The following TMEM132C variants were observed in gnomAD, a reference collection of about 807,000 sequenced individuals.
The protein encoded by TMEM132C is protein phosphatase 1, regulatory subunit 152.
In TMEM132C, 29 loss-of-function variants were observed where a neutral mutation model predicts 61.4. That is an observed-to-expected ratio of 0.47 (90% confidence interval 0.35 to 0.64). The LOEUF (loss-of-function observed/expected upper bound fraction) is 0.64. Among genes scored for constraint, TMEM132C ranks in the 30% least tolerant of loss-of-function variants. The probability of loss-of-function intolerance (pLI) is 0.00; values close to 1 mark genes in which losing one functional copy is unlikely to be tolerated. For synonymous variants in TMEM132C, 656 were observed against 633.1 expected (o/e 1.04, Z -0.54); for missense variants, 1,408 against 1,476.9 (o/e 0.95, Z 0.76).
At chr12:128,379,653 TC>T (rs1565918209) in intron 1 of TMEM132C, among the ~76,000 whole-genome samples, 1 of 152,178 alleles carries the variant, frequency 6.6e-6, no homozygotes, top group East Asian at 1.9e-4. Context: ...CTTTTCTTCC[TC>T]TGGAAAAGGA....
Position 128,707,807 on chromosome 12 carries a change from C to A in TMEM132C, c.*1512C>A, listed in dbSNP as rs1478446732. 1 of 152,034 alleles carries A rather than the reference C, an allele frequency of 6.6e-6. No homozygotes were observed. Among genetic ancestry groups the A allele is most frequent in the Non-Finnish European group, 1.5e-5 (1 of 68,004 alleles). 9.4% of individuals were successfully genotyped at this position (152,034 alleles called of 1,614,324 possible). A position where few individuals can be genotyped will look rare whatever the true frequency, so the allele number is the denominator to read the frequency against. On this transcript the variant is annotated 3_prime_UTR_variant, in exon 9 of 9. Transcript: ENST00000435159. ...TGAAGCCTCCTAACCTGGGTTGGAC[C>A]TTTGAAAAATATATTTGTAGCACAT...
chr12:128,684,508 C>T (rs973820763), intron 5 of TMEM132C, among the ~76,000 whole-genome samples: 8 of 152,364 alleles, frequency 5.3e-5, no homozygotes, highest in African/African-American at 1.7e-4. Flanking sequence ...GCCATCTCCC[C>T]TTCCTCCTCC....
intron 1 of TMEM132C, among the ~76,000 whole-genome samples, chr12:128,331,381 T>A (rs1179882584): frequency 6.6e-6 from 1 of 152,240 alleles, no homozygotes; most frequent in South Asian, 2.1e-4. Flanking sequence ...TTTTAGAACA[T>A]CCAACATGCG....
rs565574220 is a variant in TMEM132C at position 128,389,847 on chromosome 12, A to T, written c.86-24885A>T. ...GATTTTATTCAAAGAGAAGCTGCTG[A>T]AGGGTTAAGTTTTCTTTTCTGTTTT... On this transcript the variant is annotated intron_variant, in intron 1 of 8. Transcript: ENST00000435159. Among the ~76,000 whole-genome samples, 5 of 152,302 alleles carry T rather than the reference A, an allele frequency of 3.3e-5. No individual in the cohort carries two copies. The East Asian group carries it at 5.8e-4, about 18-fold the overall frequency.
chr12:128,469,826 A>G (rs1870883753), intron 2 of TMEM132C, among the ~76,000 whole-genome samples: 1 of 151,878 alleles, frequency 6.6e-6, no homozygotes, highest in African/African-American at 2.4e-5. Context: ...ACACACGTGC[A>G]TTTATATACA....
chr12:128,351,352 C>T (rs1319927939), intron 1 of TMEM132C, among the ~76,000 whole-genome samples: 1 of 151,976 alleles, frequency 6.6e-6, no homozygotes, highest in Non-Finnish European at 1.5e-5. Context: ...TTATATTAGT[C>T]AGGGTTCTCT....
At chr12:128,538,373 G>A (rs1187573732) in intron 2 of TMEM132C, among the ~76,000 whole-genome samples, 1 of 152,080 alleles carries the variant, frequency 6.6e-6, no homozygotes, top group East Asian at 1.9e-4. Flanking sequence ...ATCTGCCCGT[G>A]TTGGCCTCCC....
At chr12:128,587,171 G>A (rs1370886085) in intron 3 of TMEM132C, among the ~76,000 whole-genome samples, 2 of 152,242 alleles carry the variant, frequency 1.3e-5, no homozygotes, top group East Asian at 1.9e-4. Context: ...ATTGCCCAAA[G>A]TATTACATAA....
rs1485982710 is a variant in TMEM132C, at chr12:128,268,563, A to G, written c.85+1076A>G. 3.9e-5 allele frequency among the ~76,000 whole-genome samples: 6 copies of G among 151,992 alleles called. No homozygotes were observed. In the East Asian group the frequency reaches 1.2e-3, roughly 30 times the overall value. The stretch of plus-strand genomic sequence containing the variant: ...CATTTGGTTAAACGGAGGTGCGCAC[A>G]TGGGTGCCCTGAGCCTTCGCGCGGC... On this transcript the variant is annotated intron_variant, in intron 1 of 8. Coordinates refer to ENST00000435159, the MANE Select transcript of TMEM132C (RefSeq NM_001136103.3).
chr12:128,347,418 T>TCTCTATCTCTCTCTCTCTCTCTCC (rs1873199113), intron 1 of TMEM132C, among the ~76,000 whole-genome samples: 1 of 149,082 alleles, frequency 6.7e-6, no homozygotes, highest in African/African-American at 2.6e-5. Flanking sequence ...TCTCTCTCTC[T>TCTCTATCTCTCTCTCTCTCTCTCC]CTCTCTCTCT....
intron 3 of TMEM132C, among the ~76,000 whole-genome samples, chr12:128,558,886 T>G (rs903479039): frequency 6.6e-6 from 1 of 152,242 alleles, no homozygotes; most frequent in Non-Finnish European, 1.5e-5. Flanking sequence ...CTAAGGTATA[T>G]TCCCCCTTGT....
intron 1 of TMEM132C, among the ~76,000 whole-genome samples, chr12:128,414,245 G>C (rs565532724): frequency 6.6e-6 from 1 of 151,538 alleles, no homozygotes; most frequent in South Asian, 2.1e-4. Context: ...TTATAAAGAA[G>C]AAAAAAAACA....
At chr12:128,429,131 A>G (rs1483240030) in intron 2 of TMEM132C, among the ~76,000 whole-genome samples, 1 of 152,128 alleles carries the variant, frequency 6.6e-6, no homozygotes, top group Non-Finnish European at 1.5e-5. Flanking sequence ...GTTTTTCAAC[A>G]GGGGAAGAGT....
intron 2 of TMEM132C, among the ~76,000 whole-genome samples, chr12:128,464,863 T>G (rs1218213290): frequency 6.6e-6 from 1 of 151,048 alleles, no homozygotes; most frequent in Non-Finnish European, 1.5e-5. Context: ...AGAGCAGACC[T>G]GCAAGGCTGT....
chr12:128,332,111 G>T (rs1000745834), intron 1 of TMEM132C, among the ~76,000 whole-genome samples: 3 of 152,110 alleles, frequency 2.0e-5, no homozygotes, highest in Non-Finnish European at 4.4e-5. Context: ...CTTGGGTGAT[G>T]GGCATGTATG....
At chr12:128,464,490 G>A (rs1345187008) in intron 2 of TMEM132C, among the ~76,000 whole-genome samples, 1 of 152,166 alleles carries the variant, frequency 6.6e-6, no homozygotes, top group Non-Finnish European at 1.5e-5. Flanking sequence ...GCTCACACCT[G>A]TAATCCCAGG....
intron 2 of TMEM132C, among the ~76,000 whole-genome samples, chr12:128,511,824 G>C (rs1211033838): frequency 1.3e-5 from 2 of 152,182 alleles, no homozygotes; most frequent in African/African-American, 4.8e-5. Context: ...GCATCCTACT[G>C]CTACAGTCTG....
intron 5 of TMEM132C, among the ~76,000 whole-genome samples, chr12:128,673,180 G>T (rs955454): frequency 6.6e-6 from 1 of 152,186 alleles, no homozygotes; most frequent in African/African-American, 2.4e-5. Flanking sequence ...CAATGCAATG[G>T]TATTAGAGGT....
At chr12:128,388,090 C>G (rs1175801693) in intron 1 of TMEM132C, among the ~76,000 whole-genome samples, 1 of 152,258 alleles carries the variant, frequency 6.6e-6, no homozygotes, top group East Asian at 1.9e-4. Flanking sequence ...GATCCCTCCA[C>G]TTCCAAGAGC....
Sources: gnomAD v4.1 joint callset for allele counts (sites outside exome capture counted in the v4.1 genomes callset) on GRCh38, gnomAD v4.1.1 for gene constraint, MANE v1.5 for transcripts, NCBI Gene and HGNC (gene_info 2026-07-23, HGNC 2026-07-21) for gene names.